GAL3ST4: variants seen among roughly 807,000 people sequenced by gnomAD.
GAL3ST4 encodes the protein beta-galactose-3-O-sulfotransferase 4.
Under a neutral mutation model 31.6 loss-of-function variants are expected in GAL3ST4, and 30 were observed. The ratio of observed to expected loss-of-function variants is 0.95; its 90% confidence interval spans 0.71 to 1.29. The LOEUF (loss-of-function observed/expected upper bound fraction) is 1.29. Among genes scored for constraint, GAL3ST4 ranks in the 50% most tolerant of loss-of-function variants. The pLI is 0.00. For synonymous variants in GAL3ST4, 248 were observed against 256.9 expected (o/e 0.97, Z 0.33); for missense variants, 629 against 625.2 (o/e 1.01, Z -0.06).
chr7:100,160,977 CAG>C lies in GAL3ST4; in HGVS notation c.430-20_430-19del. The C allele has an allele frequency of 6.4e-7, 1 of 1,556,072 alleles. No homozygotes were observed. The highest frequency in any genetic ancestry group is 8.7e-7 in the Non-Finnish European group (1 of 1,155,746). The stretch of plus-strand genomic sequence containing the variant: ...TGAAGTACCTGCAGAGGAGGGAAGA[CAG>C]AAGAGAGAGAACTGGGCTGGGGAGA... On this transcript the variant is annotated intron_variant, in intron 3 of 3. Coordinates refer to ENST00000360039, the MANE Select transcript of GAL3ST4 (RefSeq NM_024637.5).
chr7:100,164,060 C>T (rs895392549), intron 3 of GAL3ST4, among the ~76,000 whole-genome samples: 3 of 152,134 alleles, frequency 2.0e-5, no homozygotes, highest in Admixed American at 6.5e-5. Context: ...TGAATGGTGG[C>T]GTCAGTGAAG....
Position 100,159,617 on chromosome 7 carries a change from G to C in GAL3ST4, c.*311C>G, listed in dbSNP as rs1798961868. On this transcript the variant is annotated 3_prime_UTR_variant, in exon 4 of 4. Coordinates refer to ENST00000360039, the MANE Select transcript of GAL3ST4 (RefSeq NM_024637.5). ...TATCTGTAATCCTAGCTACTCTGGA[G>C]GCTGAGGCAGGAGAATCGCTTGAAC... 2 of 260,870 alleles carry C rather than the reference G, an allele frequency of 7.7e-6. No individual in the cohort carries two copies. Among genetic ancestry groups the C allele is most frequent in the South Asian group, 1.4e-4 (2 of 14,772 alleles). 16.2% of individuals were successfully genotyped at this position (260,870 alleles called of 1,614,324 possible). A position where few individuals can be genotyped will look rare whatever the true frequency, so the allele number is the denominator to read the frequency against.
rs1379844622 is a variant in GAL3ST4, at chr7:100,161,423, C to T, written c.430-464G>A. Among the ~76,000 whole-genome samples the T allele has an allele frequency of 5.9e-5, 9 of 151,840 alleles. No homozygotes were observed. In the East Asian group the frequency reaches 1.2e-3, roughly 20 times the overall value. ...CAGCACTTTGGGAGGCCGAGGCGGGCGGATTACTTGAGGTCAGGAGTTCGA... is the reference window on the plus strand; with the variant it reads ...CAGCACTTTGGGAGGCCGAGGCGGGTGGATTACTTGAGGTCAGGAGTTCGA... On this transcript the variant is annotated intron_variant, in intron 3 of 3. Coordinates refer to ENST00000360039, the MANE Select transcript of GAL3ST4 (RefSeq NM_024637.5).
intron 3 of GAL3ST4, 79 bp downstream of exon 3, chr7:100,166,423 G>A (rs1413721472): frequency 6.9e-7 from 1 of 1,456,796 alleles, no homozygotes; most frequent in African/African-American, 1.4e-5. Context: ...GGAGCCCCCA[G>A]GTCTGGGCCC....
chr7:100,165,498 A>G (rs988213547), intron 3 of GAL3ST4, among the ~76,000 whole-genome samples: 4 of 151,954 alleles, frequency 2.6e-5, no homozygotes, highest in Admixed American at 6.6e-5. Context: ...GTTGAAGAAG[A>G]CAAGTCAGAA....
In GAL3ST4 at chr7:100,167,075, G is replaced by C; in HGVS notation, c.21C>G (p.Ala7=). MGPLSP[A]RTLRLWGPRS... ...GAGGTCCCCAGAGCCGCAGCGTCCT[G>C]GCAGGAGAGAGAGGGCCCATGTGGC... The change falls in exon 2 of 4, where the codon GCC becomes GCG. Residue 7 remains alanine (A), a synonymous_variant. Coordinates refer to ENST00000360039, the MANE Select transcript of GAL3ST4 (RefSeq NM_024637.5). The C allele has an allele frequency of 6.4e-7, 1 of 1,555,772 alleles. No individual in the cohort carries two copies. Among genetic ancestry groups the C allele is most frequent in the Non-Finnish European group, 8.7e-7 (1 of 1,149,000 alleles).
At chr7:100,161,978 A>G (rs1199109090) in intron 3 of GAL3ST4, among the ~76,000 whole-genome samples, 2 of 152,068 alleles carry the variant, frequency 1.3e-5, no homozygotes, top group Non-Finnish European at 2.9e-5. Context: ...GGTGGGGAGC[A>G]AGGGGAGGGA....
chr7:100,163,951 A>T (rs1312581495), intron 3 of GAL3ST4, among the ~76,000 whole-genome samples: 1 of 152,208 alleles, frequency 6.6e-6, no homozygotes, highest in Non-Finnish European at 1.5e-5. Flanking sequence ...GGGTTATTGA[A>T]GGTCTCAGAG....
chr7:100,161,996 A>T (rs538694502), intron 3 of GAL3ST4, among the ~76,000 whole-genome samples: 6 of 152,306 alleles, frequency 3.9e-5, no homozygotes, highest in African/African-American at 1.4e-4. Flanking sequence ...GGAGAGCATT[A>T]GGATGAATAC....
At chr7:100,162,605 G>T (rs866381770) in intron 3 of GAL3ST4, among the ~76,000 whole-genome samples, 3 of 134,552 alleles carry the variant, frequency 2.2e-5, no homozygotes, top group Non-Finnish European at 4.9e-5. Context: ...AAGAGGAGGG[G>T]AGGGGAGGGG....
intron 3 of GAL3ST4, among the ~76,000 whole-genome samples, chr7:100,163,821 A>G (rs1451678126): frequency 1.3e-4 from 19 of 151,968 alleles, no homozygotes; most frequent in Non-Finnish European, 1.5e-5. Context: ...GGCATGAGCC[A>G]CCATGCCTGG....
intron 3 of GAL3ST4, among the ~76,000 whole-genome samples, chr7:100,162,356 C>T (rs1212032312): frequency 2.0e-5 from 3 of 151,310 alleles, no homozygotes; most frequent in Admixed American, 1.3e-4. Context: ...ACCAGCCTGG[C>T]CAAGATGGTG....
rs150936564 is a variant in GAL3ST4 at position 100,160,160 on chromosome 7, C to G, written c.1229G>C (p.Gly410Ala). The G allele has an allele frequency of 1.9e-5, 30 of 1,613,928 alleles. No individual in the cohort carries two copies. The highest frequency in any genetic ancestry group is 1.5e-4 in the African/African-American group (11 of 74,922). The part of the protein sequence containing the change: ...REALAKHCLV[G>A]GEASDPKYIT... Reference sequence around the variant, plus strand: ...GTATTTGGGGTCAGAAGCCTCACCCCCTACCAGACAATGTTTCGCTAGGGC... The same window carrying G: ...GTATTTGGGGTCAGAAGCCTCACCCGCTACCAGACAATGTTTCGCTAGGGC... Residue 410 changes from glycine to alanine, a missense_variant, in exon 4 of 4, where the codon GGG (glycine) becomes GCG (alanine). Physicochemically the swap from Gly to Ala is moderately conservative, Grantham distance 60. Coordinates refer to ENST00000360039, the MANE Select transcript of GAL3ST4 (RefSeq NM_024637.5).
At chr7:100,167,448 T>TCA (rs1456067534) in intron 1 of GAL3ST4, 165 bp from the exon 2 acceptor site, 1 of 294,730 alleles carries the variant, frequency 3.4e-6, no homozygotes, top group East Asian at 8.0e-5. Flanking sequence ...CTCTGCTCTA[T>TCA]CACTTTCTTA....
At chr7:100,165,181 T>TC (rs1799053774) in intron 3 of GAL3ST4, among the ~76,000 whole-genome samples, 1 of 151,408 alleles carries the variant, frequency 6.6e-6, no homozygotes, top group Non-Finnish European at 1.5e-5. Context: ...GCCTTTTTTT[T>TC]CTTTTGTGAA....
At position 100,159,303 on chromosome 7, in the gene GAL3ST4, A is replaced by G. The variant is rs960123278; in HGVS notation, c.*625T>C. 1 of 152,512 alleles carries G rather than the reference A, an allele frequency of 6.6e-6. No homozygotes were observed. Among genetic ancestry groups the G allele is most frequent in the Non-Finnish European group, 1.5e-5 (1 of 68,232 alleles). The allele number at this position is 152,512 out of a possible 1,614,324, so 9.4% of individuals were successfully genotyped here. On this transcript the variant is annotated 3_prime_UTR_variant, in exon 4 of 4. Coordinates refer to ENST00000360039, the MANE Select transcript of GAL3ST4 (RefSeq NM_024637.5). ...GTCAGAGAGAAATGAACAGTCTAGTAGCAAATATTTCATAGAGAAATGGAC... is the reference window on the plus strand; with the variant it reads ...GTCAGAGAGAAATGAACAGTCTAGTGGCAAATATTTCATAGAGAAATGGAC...
At position 100,166,969 on chromosome 7, in the gene GAL3ST4, A is replaced by G. The variant is rs970111201; in HGVS notation, c.125+2T>C. 6.3e-7 allele frequency: 1 copy of G among 1,592,748 alleles called. No homozygotes were observed. Among genetic ancestry groups the G allele is most frequent in the South Asian group, 1.1e-5 (1 of 87,216 alleles). ...AGGAGTTGGGGCAAAGTGGGAACTC[A>G]CCTCCTCTGGAAGGGCCCTCCCAAG... is the stretch of plus-strand genomic sequence containing the variant. On this transcript the variant is annotated splice_donor_variant, in intron 2 of 3. Coordinates refer to ENST00000360039, the MANE Select transcript of GAL3ST4 (RefSeq NM_024637.5). LOFTEE classifies it high-confidence loss of function.
intron 1 of GAL3ST4, chr7:100,167,558 G>A: frequency 5.2e-6 from 1 of 190,790 alleles, no homozygotes; most frequent in Non-Finnish European, 1.1e-5. Flanking sequence ...GAAACAGCCA[G>A]CAAGAGAGAG....
At position 100,159,785 on chromosome 7, in the gene GAL3ST4, G is replaced by C. The variant is rs954554258; in HGVS notation, c.*143C>G. 2.9e-6 allele frequency: 2 copies of C among 687,064 alleles called. No homozygotes were observed. Among genetic ancestry groups the C allele is most frequent in the Admixed American group, 3.0e-5 (1 of 33,074 alleles). The allele number at this position is 687,064 out of a possible 1,614,324, so 42.6% of individuals were successfully genotyped here. A position where few individuals can be genotyped will look rare whatever the true frequency, so the allele number is the denominator to read the frequency against. ...AGGGTGGAGGAGGGAAGCACTGCTG[G>C]GAGCCCAGCGAAGAGGGGGCTTGCA... On this transcript the variant is annotated 3_prime_UTR_variant, in exon 4 of 4. Transcript: ENST00000360039.
Sources: gnomAD v4.1 joint callset for allele counts (sites outside exome capture counted in the v4.1 genomes callset) on GRCh38, gnomAD v4.1.1 for gene constraint, MANE v1.5 for transcripts, NCBI Gene and HGNC (gene_info 2026-07-23, HGNC 2026-07-21) for gene names.